AGBL1: variants seen among roughly 807,000 people sequenced by gnomAD.
The protein encoded by AGBL1 is cytosolic carboxypeptidase 4.
AGBL1 carries 130 observed loss-of-function variants against 118.9 expected under a neutral mutation model. The ratio of observed to expected loss-of-function variants is 1.09; its 90% CI spans 0.95 to 1.26. AGBL1 has a LOEUF of 1.26. Among genes scored for constraint, AGBL1 ranks in the 50% most tolerant of loss-of-function variants. The pLI is 0.00. For missense variants in AGBL1, 1,584 were observed against 1,298.1 expected (o/e 1.22, Z -3.38); for synonymous variants, 555 against 478.9 (o/e 1.16, Z -2.08).
chr15:86,106,946 T>G (rs959823698), intron 1 of AGBL1, among the ~76,000 whole-genome samples: 11 of 152,176 alleles, frequency 7.2e-5, no homozygotes, highest in African/African-American at 2.7e-4. Flanking sequence ...TGATCAATGT[T>G]ATTTGCTTTG....
At chr15:86,370,364 G>T (rs1033677464) in intron 17 of AGBL1, among the ~76,000 whole-genome samples, 8 of 150,064 alleles carry the variant, frequency 5.3e-5, no homozygotes, top group African/African-American at 7.4e-5. Context: ...GAGTGCAATG[G>T]CATGATCTCG....
At chr15:86,888,886 G>GAAT (rs2080010755) in intron 22 of AGBL1, among the ~76,000 whole-genome samples, 1 of 152,160 alleles carries the variant, frequency 6.6e-6, no homozygotes. Context: ...GCAAAGCGCT[G>GAAT]AATGGCATGC....
intron 22 of AGBL1, among the ~76,000 whole-genome samples, chr15:86,895,013 C>G (rs2080102353): frequency 6.8e-6 from 1 of 147,550 alleles, no homozygotes; most frequent in African/African-American, 2.5e-5. Context: ...CATCTAACAA[C>G]AGTGTTTCAT....
At chr15:87,001,239 G>T (rs1308446176) in intron 24 of AGBL1, among the ~76,000 whole-genome samples, 1 of 150,772 alleles carries the variant, frequency 6.6e-6, no homozygotes, top group African/African-American at 2.5e-5. Context: ...CTGCCTCATT[G>T]CCCTGGCCAG....
chr15:86,435,286 A>G (rs565789235), intron 18 of AGBL1, among the ~76,000 whole-genome samples: 1 of 152,172 alleles, frequency 6.6e-6, no homozygotes, highest in Non-Finnish European at 1.5e-5. Flanking sequence ...AGTTGAGGTT[A>G]TGCTGAAGGC....
Position 86,398,643 on chromosome 15 carries a change from A to T in AGBL1, c.2555+1097A>T, listed in dbSNP as rs139359038. 4.8e-3 allele frequency among the ~76,000 whole-genome samples: 731 copies of T among 152,280 alleles called. 4 individuals carry two copies. Among genetic ancestry groups the T allele is most frequent in the African/African-American group, 0.017 (697 of 41,572 alleles). On this transcript the variant is annotated intron_variant, in intron 18 of 22. Transcript: ENST00000614907. ...AAAACTTCAAAGAAATAAAATGAAA[A>T]TGACTTAAAATAAATAAGAATGATG... is the stretch of plus-strand genomic sequence containing the variant.
At chr15:86,861,935 A>G (rs1439278704) in intron 22 of AGBL1, among the ~76,000 whole-genome samples, 2 of 152,262 alleles carry the variant, frequency 1.3e-5, no homozygotes, top group African/African-American at 4.8e-5. Context: ...ATCTGCAAAG[A>G]TGAGCATTGT....
chr15:86,398,822 T>C (rs1041790884), intron 18 of AGBL1, among the ~76,000 whole-genome samples: 2 of 151,986 alleles, frequency 1.3e-5, no homozygotes, highest in Non-Finnish European at 2.9e-5. Context: ...AAAGCATAAA[T>C]TCCAAATGAT....
intron 22 of AGBL1, among the ~76,000 whole-genome samples, chr15:86,694,188 T>C (rs990463654): frequency 3.3e-5 from 5 of 152,124 alleles, no homozygotes; most frequent in Non-Finnish European, 7.4e-5. Flanking sequence ...CTTTTGGCAA[T>C]ATGATCATTT....
chr15:86,277,668 A>G (rs1013719372), intron 15 of AGBL1, among the ~76,000 whole-genome samples: 2 of 152,186 alleles, frequency 1.3e-5, no homozygotes, highest in African/African-American at 4.8e-5. Flanking sequence ...GGGGAACCTA[A>G]AAAGAAGCAA....
intron 5 of AGBL1, among the ~76,000 whole-genome samples, chr15:86,183,909 A>C (rs950919498): frequency 2.0e-5 from 3 of 152,208 alleles, no homozygotes; most frequent in Non-Finnish European, 2.9e-5. Flanking sequence ...TCAAGAGTCA[A>C]TGAGGCAGAG....
At chr15:86,158,311 G>C (rs1054795557) in intron 4 of AGBL1, among the ~76,000 whole-genome samples, 1 of 152,166 alleles carries the variant, frequency 6.6e-6, no homozygotes, top group Non-Finnish European at 1.5e-5. Flanking sequence ...ATCCACCCTT[G>C]TTTCCCTCTC....
At chr15:86,738,969 C>G (rs1467607993) in intron 22 of AGBL1, among the ~76,000 whole-genome samples, 1 of 151,518 alleles carries the variant, frequency 6.6e-6, no homozygotes, top group Non-Finnish European at 1.5e-5. Flanking sequence ...GAGACCTCAT[C>G]TCTAAAAAAA....
intron 22 of AGBL1, among the ~76,000 whole-genome samples, chr15:86,717,310 A>G (rs531244255): frequency 1.3e-5 from 2 of 152,116 alleles, no homozygotes; most frequent in Non-Finnish European, 2.9e-5. Flanking sequence ...CAGGGGCAAA[A>G]GCAATGGGCT....
intron 17 of AGBL1, among the ~76,000 whole-genome samples, chr15:86,372,567 T>C (rs545245942): frequency 1.7e-4 from 26 of 152,408 alleles, no homozygotes; most frequent in Middle Eastern, 3.4e-3. Flanking sequence ...TTCATACATA[T>C]GCACATGTTT....
intron 17 of AGBL1, among the ~76,000 whole-genome samples, chr15:86,319,152 A>G (rs901252242): frequency 4.6e-5 from 7 of 152,182 alleles, no homozygotes; most frequent in Non-Finnish European, 1.0e-4. Context: ...GGATGCTGCT[A>G]TGATGTGGTT....
At chr15:86,445,475 G>A (rs1342534118) in intron 18 of AGBL1, among the ~76,000 whole-genome samples, 1 of 152,226 alleles carries the variant, frequency 6.6e-6, no homozygotes, top group Non-Finnish European at 1.5e-5. Context: ...TGGGGACATA[G>A]TGGGGCATTC....
At chr15:86,987,131 G>T (rs1389626034) in intron 23 of AGBL1, among the ~76,000 whole-genome samples, 1 of 152,146 alleles carries the variant, frequency 6.6e-6, no homozygotes, top group Non-Finnish European at 1.5e-5. Context: ...AATGTCATCA[G>T]TGAAGGCAGG....
At position 86,834,171 on chromosome 15, in the gene AGBL1, C is replaced by T. The variant is rs570746043; in HGVS notation, c.3159-72916C>T. On this transcript the variant is annotated intron_variant, in intron 22 of 22. Transcript: ENST00000614907. The stretch of plus-strand genomic sequence containing the variant: ...GGATTCAATGGGGCATCTGTTTGTG[C>T]TTCTGTACCCCAAAACAAAGGTAAA... Among the ~76,000 whole-genome samples, 4 of 152,216 alleles carry T rather than the reference C, an allele frequency of 2.6e-5. No homozygotes were observed. The East Asian group carries it at 7.7e-4, about 29-fold the overall frequency.
Sources: allele counts gnomAD v4.1 joint callset (sites outside exome capture counted in the v4.1 genomes callset), GRCh38; gene constraint gnomAD v4.1.1; transcripts MANE v1.5; gene names NCBI Gene and HGNC (gene_info 2026-07-23, HGNC 2026-07-21).